Variants in SLC22A8 observed in about 807,000 individuals in gnomAD.
SLC22A8 encodes the protein solute carrier family 22 member 8, also known as organic anion transporter 3.
SLC22A8 carries 40 observed loss-of-function variants against 48.4 expected under a neutral mutation model. The ratio of observed to expected loss-of-function variants is 0.83; its 90% confidence interval spans 0.64 to 1.08. The LOEUF (loss-of-function observed/expected upper bound fraction) is 1.08, where lower values mean the gene tolerates loss of function less well. Ranked by LOEUF, SLC22A8 falls within the 50% of genes least tolerant of loss-of-function variation. The pLI is 0.00. For synonymous variants in SLC22A8, 268 were observed against 286.3 expected (o/e 0.94, Z 0.65); for missense variants, 606 against 699.0 (o/e 0.87, Z 1.50).
At position 62,993,351 on chromosome 11, in the gene SLC22A8, C is replaced by T. The variant is rs1158322408; in HGVS notation, c.1530-15G>A. The stretch of plus-strand genomic sequence containing the variant: ...CCCGCAGGGACCTAGGGACAGAGAG[C>T]TAAGGAAAAGCCCTGGGCCCAGACC... On this transcript the variant is annotated splice_polypyrimidine_tract_variant and intron_variant, in intron 10 of 10. Coordinates refer to ENST00000336232, the MANE Select transcript of SLC22A8 (RefSeq NM_004254.4). 1.2e-6 allele frequency: 2 copies of T among 1,613,804 alleles called. No homozygotes were observed. Among genetic ancestry groups the T allele is most frequent in the African/African-American group, 1.3e-5 (1 of 74,910 alleles).
rs1006964051 is a variant in SLC22A8, at chr11:62,995,574, G to A, written c.1001+130C>T. The A allele has an allele frequency of 5.9e-6, 4 of 679,640 alleles. No individual in the cohort carries two copies. In the African/African-American group the frequency reaches 7.1e-5, roughly 12 times the overall value. The allele number at this position is 679,640 out of a possible 1,614,324, so 42.1% of individuals were successfully genotyped here. ...ATTTCTGGGGTTGGGGCTGGGCTGT[G>A]GTGGCCCAGGAGAGGGGATTCTCTG... On this transcript the variant is annotated intron_variant, in intron 7 of 10. Transcript: ENST00000336232.
intron 2 of SLC22A8, among the ~76,000 whole-genome samples, chr11:63,010,812 C>A (rs2086610874): frequency 6.6e-6 from 1 of 152,214 alleles, no homozygotes; most frequent in African/African-American, 2.4e-5. Context: ...CAAGCGTGAA[C>A]TGATGCTTGA....
intron 7 of SLC22A8, 111 bp downstream of exon 7, chr11:62,995,593 T>C: frequency 1.3e-6 from 1 of 754,432 alleles, no homozygotes; most frequent in Non-Finnish European, 2.3e-6. Context: ...GGAGAGGGGA[T>C]TCTCTGACTT....
intron 6 of SLC22A8, 79 bp downstream of exon 6, chr11:62,995,950 G>A: frequency 1.3e-6 from 2 of 1,596,490 alleles, no homozygotes; most frequent in South Asian, 1.1e-5. Context: ...TGAGCCAGGG[G>A]AACAGAGGCA....
At chr11:62,999,586 G>T (rs1260964217) in intron 4 of SLC22A8, 102 bp downstream of exon 4, 3 of 1,008,264 alleles carry the variant, frequency 3.0e-6, no homozygotes, top group East Asian at 5.5e-5. Context: ...CCTTGACCAA[G>T]GTCACAGGGA....
At chr11:62,999,155 G>T in intron 4 of SLC22A8, 66 bp from the exon 5 acceptor site, 1 of 1,431,374 alleles carries the variant, frequency 7.0e-7, no homozygotes, top group Non-Finnish European at 9.7e-7. Context: ...GCGTGAAGGG[G>T]CACCAGCTTC....
intron 7 of SLC22A8, 179 bp downstream of exon 7, chr11:62,995,525 G>A (rs2086405514): frequency 6.7e-6 from 4 of 598,756 alleles, no homozygotes; most frequent in Non-Finnish European, 1.2e-5. Flanking sequence ...GGCTGGACCT[G>A]GGTGTGGGGC....
At chr11:63,012,761 C>T (rs1379447209) in intron 2 of SLC22A8, among the ~76,000 whole-genome samples, 1 of 152,218 alleles carries the variant, frequency 6.6e-6, no homozygotes, top group Admixed American at 6.5e-5. Context: ...GCCCATGATC[C>T]TTGAGAGCGG....
intron 1 of SLC22A8, 53 bp from the exon 2 acceptor site, chr11:63,015,036 G>A (rs1401167039): frequency 1.7e-5 from 22 of 1,283,404 alleles, no homozygotes; most frequent in Non-Finnish European, 2.3e-5. Context: ...GGTAGTGCGT[G>A]GGTCTATGGA....
chr11:62,998,995 G>T lies in SLC22A8; in HGVS notation c.687C>A (p.Ala229=), dbSNP rs143687867. ...TFGQFILPGL[A]YAIPQWRWLQ... ...GCCAACGCCACTGGGGGATGGCGTA[G>T]GCCAGGCCGGGCAGAATGAACTGGC... The change falls in exon 5 of 11, where the codon GCC becomes GCA. Residue 229 remains alanine, a synonymous_variant. Transcript: ENST00000336232. The T allele has an allele frequency of 2.1e-5, 34 of 1,614,104 alleles. No homozygotes were observed. The African/African-American group carries it at 4.0e-4, about 19-fold the overall frequency.
intron 2 of SLC22A8, among the ~76,000 whole-genome samples, chr11:63,003,507 G>A (rs1262809674): frequency 6.6e-6 from 1 of 152,142 alleles, no homozygotes; most frequent in African/African-American, 2.4e-5. Flanking sequence ...GGGGGTGTGA[G>A]GTGGAGGAAT....
At chr11:63,008,624 A>C (rs1010417749) in intron 2 of SLC22A8, among the ~76,000 whole-genome samples, 1 of 152,180 alleles carries the variant, frequency 6.6e-6, no homozygotes, top group Non-Finnish European at 1.5e-5. Flanking sequence ...AGCACCCAGC[A>C]CTTATACCTG....
intron 2 of SLC22A8, among the ~76,000 whole-genome samples, chr11:63,008,650 T>C (rs1333843370): frequency 6.6e-6 from 1 of 152,162 alleles, no homozygotes; most frequent in African/African-American, 2.4e-5. Context: ...CAATAGGCAC[T>C]CAATTCACAA....
intron 5 of SLC22A8, 26 bp downstream of exon 5, chr11:62,998,895 C>T (rs1273341410): frequency 7.0e-6 from 11 of 1,581,296 alleles, no homozygotes; most frequent in African/African-American, 1.3e-5. Context: ...CCTAAGGAAA[C>T]AGATGAAGAG....
intron 5 of SLC22A8, among the ~76,000 whole-genome samples, chr11:62,998,275 C>A (rs1014326867): frequency 2.6e-5 from 4 of 152,030 alleles, no homozygotes; most frequent in Non-Finnish European, 5.9e-5. Context: ...TTCTAAAGAC[C>A]CATTTCCTGT....
intron 5 of SLC22A8, among the ~76,000 whole-genome samples, chr11:62,996,544 A>G (rs72933451): frequency 0.046 from 7,064 of 152,276 alleles, 239 homozygotes; most frequent in Middle Eastern, 0.088. Context: ...CTTGGGCTGC[A>G]TTCCCAGTCT....
chr11:62,999,516 T>C, intron 4 of SLC22A8, 172 bp downstream of exon 4: 1 of 510,680 alleles, frequency 2.0e-6, no homozygotes, highest in Non-Finnish European at 3.5e-6. Context: ...CTGCTATTAC[T>C]ATGCTTGTTG....
intron 6 of SLC22A8, 27 bp downstream of exon 6, chr11:62,996,002 T>C (rs774113572): frequency 1.9e-6 from 3 of 1,613,970 alleles, no homozygotes; most frequent in Non-Finnish European, 2.5e-6. Flanking sequence ...GGGGTTCTGC[T>C]CCCAGACTAT....
In SLC22A8 at chr11:63,014,879, G is replaced by T. The variant is rs748777964; in HGVS notation, c.80C>A (p.Pro27Gln). Residue 27 changes from proline (P) to glutamine (Q), a missense_variant, in exon 2 of 11, where the codon CCG (proline) becomes CAG (glutamine). Transcript: ENST00000336232. ...QFLHVAILGL[P>Q]ILNMANHNLL... ...GTTGTGGTTGGCCATGTTGAGGATC[G>T]GGAGGCCCAGTATGGCTACATGCAG... 3.1e-6 allele frequency: 5 copies of T among 1,607,760 alleles called. No individual in the cohort carries two copies. Among genetic ancestry groups the T allele is most frequent in the Non-Finnish European group, 3.4e-6 (4 of 1,175,704 alleles).
Sources: gnomAD v4.1 joint callset for allele counts (sites outside exome capture counted in the v4.1 genomes callset) on GRCh38, gnomAD v4.1.1 for gene constraint, MANE v1.5 for transcripts, NCBI Gene and HGNC (gene_info 2026-07-23, HGNC 2026-07-21) for gene names.